The following KANK4 variants were observed in gnomAD, a reference collection of about 807,000 sequenced individuals.
KANK4 encodes KN motif and ankyrin repeat domains 4.
A neutral mutation model predicts 80.8 loss-of-function variants in KANK4; 50 were observed. The ratio of observed to expected loss-of-function variants is 0.62; its 90% CI spans 0.49 to 0.78. The LOEUF is 0.78. KANK4 is among the 30% of genes least tolerant of loss of function. KANK4 has a pLI of 0.00. For missense variants in KANK4, 1,196 were observed against 1,240.1 expected (o/e 0.96, Z 0.53); for synonymous variants, 465 against 506.9 (o/e 0.92, Z 1.11).
At chr1:62,284,473 C>T (rs1672519152) in intron 1 of KANK4, among the ~76,000 whole-genome samples, 1 of 152,148 alleles carries the variant, frequency 6.6e-6, no homozygotes, top group African/African-American at 2.4e-5. Context: ...CGCGCGCTAC[C>T]ATGCCCAGCT....
chr1:62,294,640 G>A (rs1002457118), intron 1 of KANK4, among the ~76,000 whole-genome samples: 27 of 91,578 alleles, frequency 2.9e-4, no homozygotes, highest in Non-Finnish European at 4.6e-4. Context: ...GTGATCCCCA[G>A]AACCTGGGTG....
intron 8 of KANK4, among the ~76,000 whole-genome samples, chr1:62,251,785 G>A (rs1041202937): frequency 6.6e-6 from 1 of 152,170 alleles, no homozygotes; most frequent in African/African-American, 2.4e-5. Context: ...CCTGAGGTCA[G>A]GAGTTCAACA....
At chr1:62,280,350 G>A (rs1284654940) in intron 2 of KANK4, among the ~76,000 whole-genome samples, 2 of 152,166 alleles carry the variant, frequency 1.3e-5, no homozygotes, top group African/African-American at 4.8e-5. Context: ...TGCTGAGAAG[G>A]GACTGAGAGG....
At chr1:62,299,201 G>A (rs1289703628) in intron 1 of KANK4, among the ~76,000 whole-genome samples, 1 of 152,096 alleles carries the variant, frequency 6.6e-6, no homozygotes, top group Non-Finnish European at 1.5e-5. Context: ...GGGGCCACAG[G>A]TGCATGCCAT....
rs577365915 is a variant in KANK4, at chr1:62,285,286, C to T, written c.-70-3652G>A. 2.6e-4 allele frequency among the ~76,000 whole-genome samples: 40 copies of T among 152,278 alleles called. 2 individuals carry two copies. The South Asian group carries it at 7.9e-3, about 30-fold the overall frequency. On this transcript the variant is annotated intron_variant, in intron 1 of 9. Transcript: ENST00000371153. ...AAAGAAGTGGTCACTTGGCAGACAG[C>T]GATGATAGTCCACGTGCAGCTACCA...
chr1:62,318,629 A>C (rs569566166), intron 1 of KANK4, among the ~76,000 whole-genome samples: 79 of 152,292 alleles, frequency 5.2e-4, no homozygotes, highest in African/African-American at 1.7e-3. Context: ...AGAGAGACTA[A>C]GAGCTCGATT....
intron 1 of KANK4, among the ~76,000 whole-genome samples, chr1:62,299,085 G>A (rs1283880326): frequency 6.6e-6 from 1 of 151,760 alleles, no homozygotes; most frequent in East Asian, 1.9e-4. Flanking sequence ...GTTTTGCTCT[G>A]TTGCCCAGGC....
chr1:62,274,396 C>A lies in KANK4; in HGVS notation c.708G>T (p.Glu236Asp). ...ELVQEGAEPP[E>D]GVVKVPNHLP... ...GGTGATTTGGAACCTTCACCACACC[C>A]TCTGGAGGCTCAGCTCCCTCCTGGA... Residue 236 changes from glutamate to aspartate, a missense_variant, in exon 3 of 10, where the codon GAG becomes GAT. By Grantham distance (45) the Glu-to-Asp change is conservative. This residue lies in a region of KANK4 where 1,154 missense variants were observed against 1,179.6 expected (regional missense o/e 0.98). Coordinates refer to ENST00000371153, the MANE Select transcript of KANK4 (RefSeq NM_181712.5). The A allele has an allele frequency of 6.2e-7, 1 of 1,614,212 alleles. No individual in the cohort carries two copies. Among genetic ancestry groups the A allele is most frequent in the East Asian group, 2.2e-5 (1 of 44,882 alleles).
At chr1:62,284,392 C>G (rs1672516614) in intron 1 of KANK4, among the ~76,000 whole-genome samples, 1 of 152,234 alleles carries the variant, frequency 6.6e-6, no homozygotes, top group Admixed American at 6.5e-5. Flanking sequence ...TCTCAGCTCA[C>G]TGCAATCTCC....
Position 62,299,298 on chromosome 1 carries a change from G to A in KANK4, c.-70-17664C>T, listed in dbSNP as rs1432503591. ...CTGGTCTCAAAGTCCTGGCTCAAGT[G>A]ATTCTCCCGCCACAGCCTCCTAAAG... On this transcript the variant is annotated intron_variant, in intron 1 of 9. Coordinates refer to ENST00000371153, the MANE Select transcript of KANK4 (RefSeq NM_181712.5). Among the ~76,000 whole-genome samples the A allele has an allele frequency of 2.6e-5, 4 of 152,068 alleles. No homozygotes were observed. In the South Asian group the frequency reaches 6.2e-4, roughly 24 times the overall value.
At chr1:62,253,662 T>C (rs563085334) in intron 7 of KANK4, among the ~76,000 whole-genome samples, 2 of 152,288 alleles carry the variant, frequency 1.3e-5, no homozygotes, top group East Asian at 3.9e-4. Flanking sequence ...TCCACCCTCC[T>C]TGGCTTCGCA....
chr1:62,250,683 C>T (rs1311351281), intron 8 of KANK4, among the ~76,000 whole-genome samples: 1 of 148,304 alleles, frequency 6.7e-6, no homozygotes, highest in African/African-American at 2.5e-5. Context: ...CTCTTGCAAG[C>T]AACCCCTCTT....
chr1:62,315,869 G>A (rs916185175), intron 1 of KANK4, among the ~76,000 whole-genome samples: 3 of 152,202 alleles, frequency 2.0e-5, no homozygotes, highest in African/African-American at 7.2e-5. Flanking sequence ...CCTTCCCCCT[G>A]CAGAGCAGAG....
intron 9 of KANK4, among the ~76,000 whole-genome samples, chr1:62,246,465 C>A (rs1167185395): frequency 6.6e-6 from 1 of 152,166 alleles, no homozygotes; most frequent in African/African-American, 2.4e-5. Context: ...GCTGTTATTG[C>A]CATGACCAGA....
rs1200012837 is a variant in KANK4 at position 62,238,228 on chromosome 1, G to A, written c.*49C>T. The stretch of plus-strand genomic sequence containing the variant: ...TGCCCTCTTCAAGGGCGAGGGAGGA[G>A]TCCAGAGAAGAAGGCTTTTGTTCCC... On this transcript the variant is annotated 3_prime_UTR_variant, in exon 10 of 10. Transcript: ENST00000371153. 1.4e-6 allele frequency: 2 copies of A among 1,394,134 alleles called. No homozygotes were observed. Among genetic ancestry groups the A allele is most frequent in the Non-Finnish European group, 2.0e-6 (2 of 983,520 alleles). 86.4% of individuals were successfully genotyped at this position (1,394,134 alleles called of 1,614,324 possible).
intron 1 of KANK4, among the ~76,000 whole-genome samples, chr1:62,312,124 ATAAT>A (rs1644502468): frequency 6.6e-6 from 1 of 152,194 alleles, no homozygotes. Context: ...ATATTGAAAT[ATAAT>A]TAATAAAATT....
At chr1:62,298,811 C>T (rs1644387817) in intron 1 of KANK4, among the ~76,000 whole-genome samples, 1 of 152,114 alleles carries the variant, frequency 6.6e-6, no homozygotes, top group Non-Finnish European at 1.5e-5. Flanking sequence ...GGTAAGTGCC[C>T]AATAAAAGTC....
intron 6 of KANK4, among the ~76,000 whole-genome samples, chr1:62,265,063 T>G (rs1330576853): frequency 6.6e-6 from 1 of 152,164 alleles, no homozygotes; most frequent in African/African-American, 2.4e-5. Flanking sequence ...ACTCCTGACC[T>G]CAGGTGATCC....
chr1:62,280,018 C>A (rs1457370841), intron 2 of KANK4, among the ~76,000 whole-genome samples: 4 of 152,030 alleles, frequency 2.6e-5, no homozygotes, highest in Admixed American at 2.6e-4. Flanking sequence ...GGAGGGAGAA[C>A]CACAGTAATT....
Sources: allele counts gnomAD v4.1 joint callset (sites outside exome capture counted in the v4.1 genomes callset), GRCh38; gene constraint gnomAD v4.1.1; regional missense constraint gnomAD v4.1.1; transcripts MANE v1.5; gene names NCBI Gene and HGNC (gene_info 2026-07-23, HGNC 2026-07-21).